Variants in ABHD6 observed in about 807,000 individuals in gnomAD.
The protein encoded by ABHD6 is monoacylglycerol lipase ABHD6.
In ABHD6, 33 loss-of-function variants were observed where a neutral mutation model predicts 38.8. The observed-to-expected ratio is 0.85, with a 90% CI of 0.64 to 1.14. The LOEUF (loss-of-function observed/expected upper bound fraction) is 1.14, where lower values mean the gene tolerates loss of function less well. Ranked by LOEUF, ABHD6 falls within the 50% of genes most tolerant of loss-of-function variation. The pLI, the probability that ABHD6 is intolerant of heterozygous loss-of-function variation, is 0.00. For missense variants in ABHD6, 380 were observed against 422.6 expected (o/e 0.90, Z 0.88); for synonymous variants, 147 against 161.6 (o/e 0.91, Z 0.69).
chr3:58,271,702 T>C (rs1289602348), intron 6 of ABHD6, among the ~76,000 whole-genome samples: 3 of 151,488 alleles, frequency 2.0e-5, no homozygotes, highest in Non-Finnish European at 4.4e-5. Context: ...TCTTTAGAGT[T>C]GTATTTATAA....
chr3:58,253,167 G>GT (rs5849245), intron 2 of ABHD6, among the ~76,000 whole-genome samples: 39 of 148,368 alleles, frequency 2.6e-4, no homozygotes, highest in South Asian at 4.3e-4. Flanking sequence ...GCACAGAGGG[G>GT]TTTTTTTTTT....
At chr3:58,242,343 G>A (rs1022558786) in intron 1 of ABHD6, among the ~76,000 whole-genome samples, 1 of 152,208 alleles carries the variant, frequency 6.6e-6, no homozygotes, top group African/African-American at 2.4e-5. Flanking sequence ...GTGACATTGA[G>A]CAGCTTGCTT....
chr3:58,245,810 G>GAAGA (rs948573401), intron 1 of ABHD6, among the ~76,000 whole-genome samples: 2 of 103,432 alleles, frequency 1.9e-5, no homozygotes, highest in Middle Eastern at 4.2e-3. Flanking sequence ...GAAGGAGAGA[G>GAAGA]AAGAAAGAAA....
chr3:58,265,472 T>C lies in ABHD6; in HGVS notation c.120-1717T>C, dbSNP rs1038950791. 2.6e-4 allele frequency among the ~76,000 whole-genome samples: 39 copies of C among 152,226 alleles called. No homozygotes were observed. The highest frequency in any genetic ancestry group is 8.9e-4 in the African/African-American group (37 of 41,470). ...AAATGATGTATTTGGAAGGACAAAA[T>C]CATCTTTACATAATACTAATAACTA... On this transcript the variant is annotated intron_variant, in intron 3 of 9. Coordinates refer to ENST00000478253, the MANE Select transcript of ABHD6 (RefSeq NM_001320126.2). The surrounding 1 kb of genome is among the most constrained non-coding windows in gnomAD (Gnocchi z 4.2).
At chr3:58,281,701 G>C (rs2097453412) in intron 7 of ABHD6, among the ~76,000 whole-genome samples, 1 of 152,212 alleles carries the variant, frequency 6.6e-6, no homozygotes, top group Non-Finnish European at 1.5e-5. Context: ...CCGCAGACCG[G>C]AGCTGTTCCT....
chr3:58,261,101 G>C (rs947337527), intron 3 of ABHD6, among the ~76,000 whole-genome samples: 2 of 152,158 alleles, frequency 1.3e-5, no homozygotes, highest in African/African-American at 4.8e-5. Flanking sequence ...TATCAGGACT[G>C]TTCACAAGAT....
chr3:58,261,475 G>A (rs185006796), intron 3 of ABHD6, among the ~76,000 whole-genome samples: 24 of 152,242 alleles, frequency 1.6e-4, no homozygotes, highest in African/African-American at 5.3e-4. Flanking sequence ...CCAGGCTCAA[G>A]TGATCCTCCC....
chr3:58,291,137 G>A lies in ABHD6; in HGVS notation c.838-2452G>A, dbSNP rs1204918973. ...ACCGTCTGCAATCCCGGCACCTCCG[G>A]AGGCCGAGGCTGGCGGATCACTCGC... On this transcript the variant is annotated intron_variant, in intron 9 of 9. Transcript: ENST00000478253. Among the ~76,000 whole-genome samples, 3 of 151,486 alleles carry A rather than the reference G, an allele frequency of 2.0e-5. No homozygotes were observed. In the East Asian group the frequency reaches 5.8e-4, roughly 30 times the overall value.
rs2097441038 is a variant in ABHD6 at position 58,266,443 on chromosome 3, A to AG, written c.120-746_120-745insG. Among the ~76,000 whole-genome samples the AG allele has an allele frequency of 6.6e-6, 1 of 152,124 alleles. No individual in the cohort carries two copies. Among genetic ancestry groups the AG allele is most frequent in the Admixed American group, 6.6e-5 (1 of 15,262 alleles). ...AGCGAGACTGTATCTAAAAAAAAAAAAAACCTGACCAAACAAACAACAAAA... is the reference window on the plus strand; with the variant it reads ...AGCGAGACTGTATCTAAAAAAAAAAAGAAACCTGACCAAACAAACAACAAAA... On this transcript the variant is annotated intron_variant, in intron 3 of 9. Transcript: ENST00000478253. The surrounding 1 kb of genome is among the most constrained non-coding windows in gnomAD (Gnocchi z 4.0).
intron 1 of ABHD6, among the ~76,000 whole-genome samples, chr3:58,248,558 C>T (rs1184067779): frequency 3.3e-5 from 5 of 152,142 alleles, no homozygotes; most frequent in African/African-American, 1.2e-4. Context: ...ATTAGCCGGG[C>T]ATGGTGGCAC....
At chr3:58,270,218 A>G (rs2097443872) in intron 5 of ABHD6, among the ~76,000 whole-genome samples, 1 of 152,188 alleles carries the variant, frequency 6.6e-6, no homozygotes, top group African/African-American at 2.4e-5. Context: ...ATATGAATGG[A>G]TGGTCAGATG....
chr3:58,240,616 G>A (rs1278579601), intron 1 of ABHD6, among the ~76,000 whole-genome samples: 1 of 151,908 alleles, frequency 6.6e-6, no homozygotes, highest in African/African-American at 2.4e-5. Flanking sequence ...CCATGCTGGA[G>A]TGCAGTGGAG....
intron 9 of ABHD6, among the ~76,000 whole-genome samples, chr3:58,291,162 C>T (rs1383943093): frequency 2.0e-5 from 3 of 149,466 alleles, no homozygotes; most frequent in Admixed American, 1.3e-4. Flanking sequence ...GGATCACTCG[C>T]GGTTAGGAGC....
chr3:58,280,086 G>A (rs546441387), intron 7 of ABHD6, among the ~76,000 whole-genome samples: 3 of 152,120 alleles, frequency 2.0e-5, no homozygotes, highest in Admixed American at 6.6e-5. Flanking sequence ...CTATTCTCGA[G>A]TAGTATCTTT....
In ABHD6 at chr3:58,269,410, T is replaced by A. The variant is rs1398832850; in HGVS notation, c.366T>A (p.Asp122Glu). 1.2e-6 allele frequency: 2 copies of A among 1,613,806 alleles called. No homozygotes were observed. The highest frequency in any genetic ancestry group is 1.7e-5 in the Admixed American group (1 of 59,990). ...TRSSLDDLSI[D>E]GQVKRIHQFV... ...CCTCCCTGGATGACCTGTCCATAGA[T>A]GGGCAAGTTAAGAGGATACACCAGG... The change falls in exon 5 of 10, where the codon GAT becomes GAA. Residue 122 changes from aspartate (D) to glutamate (E), a missense_variant. By Grantham distance (45) the Asp-to-Glu change is conservative. Transcript: ENST00000478253. The surrounding 1 kb of genome is among the most constrained non-coding windows in gnomAD (Gnocchi z 4.4).
intron 1 of ABHD6, among the ~76,000 whole-genome samples, chr3:58,239,024 G>A (rs1199101484): frequency 8.6e-5 from 13 of 151,958 alleles, no homozygotes; most frequent in Non-Finnish European, 1.9e-4. Flanking sequence ...CCACCGCTGT[G>A]CCCATTCCTG....
At chr3:58,239,130 A>G (rs2097421107) in intron 1 of ABHD6, among the ~76,000 whole-genome samples, 1 of 149,430 alleles carries the variant, frequency 6.7e-6, no homozygotes, top group Non-Finnish European at 1.5e-5. Flanking sequence ...CGCCCCCCCA[A>G]CCCGACCTCG....
rs1345162208 is a variant in ABHD6 at position 58,269,943 on chromosome 3, C to T, written c.390+509C>T. Among the ~76,000 whole-genome samples the T allele has an allele frequency of 6.6e-6, 1 of 152,110 alleles. No individual in the cohort carries two copies. The highest frequency in any genetic ancestry group is 1.5e-5 in the Non-Finnish European group (1 of 68,048). ...GGGTAGCCTGTAAGTTTCAGGTTGA[C>T]CTTAAATATTTTCCCCCAAATGAGG... is the stretch of plus-strand genomic sequence containing the variant. On this transcript the variant is annotated intron_variant, in intron 5 of 9. Transcript: ENST00000478253. The surrounding 1 kb of genome is among the most constrained non-coding windows in gnomAD (Gnocchi z 4.4).
intron 2 of ABHD6, among the ~76,000 whole-genome samples, chr3:58,255,865 G>T (rs1160781695): frequency 4.0e-5 from 6 of 150,722 alleles, no homozygotes; most frequent in Non-Finnish European, 7.4e-5. Flanking sequence ...GGCTAGTCTC[G>T]AACTCCTGAC....
Sources: allele counts gnomAD v4.1 joint callset (sites outside exome capture counted in the v4.1 genomes callset), GRCh38; gene constraint gnomAD v4.1.1; non-coding constraint Gnocchi (gnomAD v3.1); transcripts MANE v1.5; gene names NCBI Gene and HGNC (gene_info 2026-07-23, HGNC 2026-07-21).